EPHA7: variants seen among roughly 807,000 people sequenced by gnomAD.
The protein encoded by EPHA7 is ephrin type-A receptor 7.
EPHA7 carries 25 observed loss-of-function variants against 112.6 expected under a neutral mutation model. The observed-to-expected ratio is 0.22, with a 90% CI of 0.16 to 0.31. EPHA7 has a LOEUF of 0.31. EPHA7 is among the 10% of genes least tolerant of loss of function. The probability of loss-of-function intolerance (pLI) is 1.00; values close to 1 mark genes in which losing one functional copy is unlikely to be tolerated. For missense variants in EPHA7, 962 were observed against 1,212.6 expected, an observed-to-expected ratio of 0.79 and a Z score of 3.07; for synonymous variants, 437 against 406.5, an observed-to-expected ratio of 1.07 and a Z score of -0.90.
In EPHA7 at chr6:93,410,450, T is replaced by C. The variant is rs1214141962; in HGVS notation, c.832+51A>G. ...AACTATTAAAGTTTAAAATGTCTGA[T>C]ACTGAAATTTAAAAAGGCAAAGTGG... On this transcript the variant is annotated intron_variant, in intron 3 of 16. Coordinates refer to ENST00000369303, the MANE Select transcript of EPHA7 (RefSeq NM_004440.4). This position sits in a 1 kb window ranked among gnomAD's most constrained non-coding sequence, Gnocchi z 4.0. 1.3e-6 allele frequency: 2 copies of C among 1,486,450 alleles called. No homozygotes were observed. Among genetic ancestry groups the C allele is most frequent in the Non-Finnish European group, 1.8e-6 (2 of 1,089,400 alleles). 92.1% of individuals were successfully genotyped at this position (1,486,450 alleles called of 1,614,324 possible).
chr6:93,272,389 C>G lies in EPHA7; in HGVS notation c.1358G>C (p.Arg453Thr). 1 of 1,612,112 alleles carries G rather than the reference C, an allele frequency of 6.2e-7. No homozygotes were observed. ...PSQVSGVMKE[R>T]VLQRSVELSW... ...AAGCTCGACACTCCGCTGCAGTACTCTCTCCTTCATTACTCCACTCACTTG... is the reference window on the plus strand; with the variant it reads ...AAGCTCGACACTCCGCTGCAGTACTGTCTCCTTCATTACTCCACTCACTTG... The change falls in exon 6 of 17, where the codon AGA becomes ACA. Residue 453 changes from arginine (R) to threonine (T), a missense_variant. Around this residue, in one of 3 missense-constraint regions of EPHA7, gnomAD observed 746 missense variants for 889.2 expected, o/e 0.84. Coordinates refer to ENST00000369303, the MANE Select transcript of EPHA7 (RefSeq NM_004440.4).
At chr6:93,246,363 T>C (rs1439448894) in intron 15 of EPHA7, among the ~76,000 whole-genome samples, 1 of 152,114 alleles carries the variant, frequency 6.6e-6, no homozygotes, top group Non-Finnish European at 1.5e-5. Context: ...ATTTCTCTTA[T>C]AAACTTTAAC....
intron 3 of EPHA7, among the ~76,000 whole-genome samples, chr6:93,403,029 A>T (rs556659368): frequency 6.6e-6 from 1 of 152,214 alleles, no homozygotes; most frequent in South Asian, 2.1e-4. Flanking sequence ...TCTTCACATG[A>T]ATAAATTCTT....
At chr6:93,301,616 T>C (rs1166180826) in intron 5 of EPHA7, among the ~76,000 whole-genome samples, 1 of 152,154 alleles carries the variant, frequency 6.6e-6, no homozygotes, top group Non-Finnish European at 1.5e-5. Flanking sequence ...ACATTATCAC[T>C]AGCTCCCAAT....
At chr6:93,328,828 A>C (rs1774450250) in intron 5 of EPHA7, among the ~76,000 whole-genome samples, 1 of 151,434 alleles carries the variant, frequency 6.6e-6, no homozygotes, top group Non-Finnish European at 1.5e-5. Flanking sequence ...TGGTCTCCTT[A>C]AAAGACTACA....
chr6:93,397,572 T>C (rs1028851755), intron 3 of EPHA7, among the ~76,000 whole-genome samples: 7 of 151,956 alleles, frequency 4.6e-5, no homozygotes, highest in East Asian at 1.9e-4. Context: ...GATAGTGTTA[T>C]GTGTTCAACT....
intron 2 of EPHA7, among the ~76,000 whole-genome samples, chr6:93,411,540 T>A (rs1335940159): frequency 1.3e-5 from 2 of 152,180 alleles, no homozygotes; most frequent in African/African-American, 4.8e-5. Flanking sequence ...TATGGATGCC[T>A]GGCAGAATTT....
chr6:93,413,233 T>A (rs539882848), intron 2 of EPHA7, among the ~76,000 whole-genome samples: 147 of 152,016 alleles, frequency 9.7e-4, no homozygotes, highest in African/African-American at 3.5e-3. Context: ...ATATAGAAAA[T>A]ATTGTCCATC....
intron 5 of EPHA7, among the ~76,000 whole-genome samples, chr6:93,337,984 GA>G (rs1050085491): frequency 2.6e-5 from 4 of 151,934 alleles, no homozygotes; most frequent in African/African-American, 9.7e-5. Context: ...AGGAGACAAA[GA>G]AAAGGAGGGA....
At chr6:93,380,575 G>A (rs2127970421) in intron 3 of EPHA7, among the ~76,000 whole-genome samples, 1 of 152,214 alleles carries the variant, frequency 6.6e-6, no homozygotes, top group South Asian at 2.1e-4. Flanking sequence ...GTGATAGTCT[G>A]AAATTAGAGC....
intron 5 of EPHA7, among the ~76,000 whole-genome samples, chr6:93,336,528 G>A (rs1159730905): frequency 1.3e-5 from 2 of 152,028 alleles, no homozygotes; most frequent in Non-Finnish European, 2.9e-5. Context: ...TCAGCCTCCC[G>A]AGTAGCTGGG....
intron 3 of EPHA7, among the ~76,000 whole-genome samples, chr6:93,363,372 C>A (rs1776349346): frequency 6.6e-6 from 1 of 151,994 alleles, no homozygotes; most frequent in African/African-American, 2.4e-5. Context: ...CATCAATAAG[C>A]CAATCAAAAA....
At chr6:93,351,668 C>G (rs955833916) in intron 5 of EPHA7, among the ~76,000 whole-genome samples, 4 of 151,870 alleles carry the variant, frequency 2.6e-5, no homozygotes, top group African/African-American at 9.7e-5. Flanking sequence ...TCTGAGAGGT[C>G]TTATGTCCCA....
intron 1 of EPHA7, among the ~76,000 whole-genome samples, chr6:93,417,754 G>A (rs1260867818): frequency 2.0e-5 from 3 of 152,044 alleles, no homozygotes; most frequent in Non-Finnish European, 2.9e-5. Flanking sequence ...GGGGATGAGC[G>A]TGCGTTTCTA....
At chr6:93,286,118 A>G (rs1772047884) in intron 5 of EPHA7, among the ~76,000 whole-genome samples, 1 of 151,970 alleles carries the variant, frequency 6.6e-6, no homozygotes, top group Non-Finnish European at 1.5e-5. Flanking sequence ...TCAAAAAACT[A>G]GTAATTTGAT....
intron 3 of EPHA7, among the ~76,000 whole-genome samples, chr6:93,365,173 T>C (rs1582602264): frequency 6.6e-6 from 1 of 152,296 alleles, no homozygotes; most frequent in East Asian, 1.9e-4. Flanking sequence ...GAAGGAATTA[T>C]GTATGTCTGT....
intron 5 of EPHA7, among the ~76,000 whole-genome samples, chr6:93,339,155 T>C (rs985591630): frequency 1.4e-4 from 22 of 151,746 alleles, no homozygotes; most frequent in African/African-American, 4.8e-4. Context: ...TATTGGGAGA[T>C]AGTGTCTTCA....
At chr6:93,334,330 T>C (rs894064579) in intron 5 of EPHA7, among the ~76,000 whole-genome samples, 1 of 151,946 alleles carries the variant, frequency 6.6e-6, no homozygotes, top group African/African-American at 2.4e-5. Context: ...ATTCCAGACA[T>C]AGGCCCTGGC....
chr6:93,340,832 T>C (rs960637261), intron 5 of EPHA7, among the ~76,000 whole-genome samples: 1 of 151,868 alleles, frequency 6.6e-6, no homozygotes, highest in Non-Finnish European at 1.5e-5. Context: ...ATTAAAGTTA[T>C]ACATTGAGAG....
Sources: allele counts gnomAD v4.1 joint callset (sites outside exome capture counted in the v4.1 genomes callset), GRCh38; gene constraint gnomAD v4.1.1; regional missense constraint gnomAD v4.1.1; non-coding constraint Gnocchi (gnomAD v3.1); transcripts MANE v1.5; gene names NCBI Gene and HGNC (gene_info 2026-07-23, HGNC 2026-07-21).